Variants in CALR observed in about 807,000 individuals in gnomAD.
The protein encoded by CALR is calreticulin.
Under a neutral mutation model 51.1 loss-of-function variants are expected in CALR, and 15 were observed. That is an observed-to-expected ratio of 0.29 (90% CI 0.20 to 0.45). The LOEUF (loss-of-function observed/expected upper bound fraction) is 0.45. Ranked by LOEUF, CALR falls within the 20% of genes least tolerant of loss-of-function variation. The probability of loss-of-function intolerance (pLI) is 1.00; values close to 1 mark genes in which losing one functional copy is unlikely to be tolerated. For synonymous variants in CALR, 239 were observed against 205.9 expected (o/e 1.16, Z -1.38); for missense variants, 477 against 530.6 (o/e 0.90, Z 0.99).
intron 1 of CALR, 129 bp downstream of exon 1, chr19:12,938,899 C>A: frequency 1.2e-6 from 1 of 824,196 alleles, no homozygotes; most frequent in Non-Finnish European, 2.1e-6. Context: ...GAGCCGCGGG[C>A]GATTTCTCTT....
At chr19:12,943,001 T>A (rs1470454787) in intron 7 of CALR, among the ~76,000 whole-genome samples, 1 of 151,444 alleles carries the variant, frequency 6.6e-6, no homozygotes, top group African/African-American at 2.4e-5. Context: ...AGTGATCCGT[T>A]CGCCATGACC....
intron 7 of CALR, among the ~76,000 whole-genome samples, chr19:12,941,466 ATTTT>A (rs61272402): frequency 1.3e-4 from 11 of 87,006 alleles, no homozygotes; most frequent in African/African-American, 1.9e-4. Flanking sequence ...TGCCAGGCTA[ATTTT>A]TTTTTTTTTT....
chr19:12,940,481 C>G (rs922227576), intron 5 of CALR, 29 bp downstream of exon 5: 1 of 1,613,298 alleles, frequency 6.2e-7, no homozygotes, highest in African/African-American at 1.3e-5. Context: ...GCTCTGCTCT[C>G]CACATTGGAG....
intron 1 of CALR, 27 bp downstream of exon 1, chr19:12,938,797 G>A: frequency 6.5e-7 from 1 of 1,544,294 alleles, no homozygotes. Context: ...CCTCGAGGCC[G>A]CCCCGACGAC....
chr19:12,941,527 A>G (rs1971546619), intron 7 of CALR, among the ~76,000 whole-genome samples: 1 of 139,946 alleles, frequency 7.1e-6, no homozygotes, highest in African/African-American at 2.7e-5. Context: ...GCTGGAGTGC[A>G]GTGGTGTGAT....
At chr19:12,940,010 A>G (rs1300301472) in intron 3 of CALR, 43 bp from the exon 4 acceptor site, 1 of 1,348,126 alleles carries the variant, frequency 7.4e-7, no homozygotes, top group African/African-American at 1.4e-5. Flanking sequence ...CCTCGAGATG[A>G]TGGGTAGTCT....
chr19:12,938,614 T>C lies in CALR; in HGVS notation c.-66T>C, dbSNP rs2146010918. 13 of 1,257,454 alleles carry C rather than the reference T, an allele frequency of 1.0e-5. No homozygotes were observed. In the Middle Eastern group the frequency reaches 1.6e-3, roughly 154 times the overall value. The allele number at this position is 1,257,454 out of a possible 1,614,324, so 77.9% of individuals were successfully genotyped here. Reference sequence around the variant, plus strand: ...CAAGGCGGGCGGCGGCGTCCGTCCGTACTGCAGAGCCGCTGCCGGAGGGTC... The same window carrying C: ...CAAGGCGGGCGGCGGCGTCCGTCCGCACTGCAGAGCCGCTGCCGGAGGGTC... On this transcript the variant is annotated 5_prime_UTR_variant, in exon 1 of 9. Coordinates refer to ENST00000316448, the MANE Select transcript of CALR (RefSeq NM_004343.4).
Position 12,944,155 on chromosome 19 carries a change from C to A in CALR, c.*242C>A. ...TCTCCTTCAGCCCTCACCCCTGGTT[C>A]TCATCTTTCTTGATCAACATCTTTT... is the stretch of plus-strand genomic sequence containing the variant. On this transcript the variant is annotated 3_prime_UTR_variant, in exon 9 of 9. Transcript: ENST00000316448. The A allele has an allele frequency of 1.7e-6, 1 of 601,046 alleles. No individual in the cohort carries two copies. The highest frequency in any genetic ancestry group is 3.1e-5 in the East Asian group (1 of 32,294). The allele number at this position is 601,046 out of a possible 1,614,324, so 37.2% of individuals were successfully genotyped here.
rs367922867 is a variant in CALR at position 12,940,744 on chromosome 19, G to C, written c.817G>C (p.Gly273Arg). 5.0e-6 allele frequency: 8 copies of C among 1,613,994 alleles called. No individual in the cohort carries two copies. The African/African-American group carries it at 8.0e-5, about 16-fold the overall frequency. ...PPVIQNPEYK[G>R]EWKPRQIDNP... ...TTCGGTTTCCTTCTCCCTTCTGCAG[G>C]GTGAGTGGAAGCCCCGGCAGATCGA... is the stretch of plus-strand genomic sequence containing the variant. Residue 273 changes from glycine to arginine, a missense_variant and splice_region_variant, in exon 7 of 9, where the codon GGT (glycine) becomes CGT (arginine). Gly to Arg is a moderately radical substitution (Grantham distance 125). Coordinates refer to ENST00000316448, the MANE Select transcript of CALR (RefSeq NM_004343.4).
chr19:12,938,719 C>T lies in CALR; in HGVS notation c.40C>T (p.Leu14=), dbSNP rs539393451. The T allele has an allele frequency of 1.0e-4, 163 of 1,611,614 alleles. 1 individual carries two copies. The South Asian group carries it at 1.6e-3, about 16-fold the overall frequency. Residue 14 remains leucine, a synonymous_variant, in exon 1 of 9, where the codon CTG becomes TTG. Coordinates refer to ENST00000316448, the MANE Select transcript of CALR (RefSeq NM_004343.4). ...GCCGCTGCTGCTCGGCCTCCTCGGC[C>T]TGGCCGTCGCCGAGCCTGCCGTCTA... ...SVPLLLGLLG[L]AVAEPAVYFK...
chr19:12,940,226 C>T lies in CALR; in HGVS notation c.493-17C>T, dbSNP rs549294770. On this transcript the variant is annotated splice_polypyrimidine_tract_variant and intron_variant, in intron 4 of 8. Transcript: ENST00000316448. Reference sequence around the variant, plus strand: ...CTCATTGGGGGGTGGCCCCCGCTCACCTTCTTCCTTCTTCAGGATGATGAG... The same window carrying T: ...CTCATTGGGGGGTGGCCCCCGCTCATCTTCTTCCTTCTTCAGGATGATGAG... 1.4e-5 allele frequency: 23 copies of T among 1,613,934 alleles called. No homozygotes were observed. In the Admixed American group the frequency reaches 3.5e-4, roughly 25 times the overall value.
At position 12,944,089 on chromosome 19, in the gene CALR, C is replaced by CA; in HGVS notation, c.*176_*177insA. 3.1e-6 allele frequency: 2 copies of CA among 651,938 alleles called. No individual in the cohort carries two copies. Among genetic ancestry groups the CA allele is most frequent in the Non-Finnish European group, 4.7e-6 (2 of 422,204 alleles). The allele number at this position is 651,938 out of a possible 1,614,324, so 40.4% of individuals were successfully genotyped here. A position where few individuals can be genotyped will look rare whatever the true frequency, so the allele number is the denominator to read the frequency against. ...CACTCTCCCCCACCCCCTCCCCGCC[C>CA]TTTTTTTTTTTTTTTTTTAAACTGG... On this transcript the variant is annotated 3_prime_UTR_variant, in exon 9 of 9. Coordinates refer to ENST00000316448, the MANE Select transcript of CALR (RefSeq NM_004343.4).
Position 12,941,177 on chromosome 19 carries a change from A to G in CALR, c.960+290A>G, listed in dbSNP as rs73505373. 0.054 allele frequency among the ~76,000 whole-genome samples: 8,181 copies of G among 152,244 alleles called. 774 individuals carry two copies. The highest frequency in any genetic ancestry group is 0.19 in the African/African-American group (7,827 of 41,506). On this transcript the variant is annotated intron_variant, in intron 7 of 8. Transcript: ENST00000316448. ...CAGTTAGTTAGCTGGGGCTGGGCAC[A>G]GTGGCTCACCCTTACAATCACGGTA...
chr19:12,939,434 A>G lies in CALR; in HGVS notation c.200A>G (p.Gln67Arg), dbSNP rs1274707844. ...CACTACCGTCCCGTCTCAGGTTTGC[A>G]GACAAGCCAGGATGCACGCTTTTAT... ...YGDEEKDKGLQTSQDARFYAL... is the reference protein window; with the variant it reads ...YGDEEKDKGLRTSQDARFYAL... The change falls in exon 3 of 9, where the codon CAG becomes CGG. Residue 67 changes from glutamine to arginine, a missense_variant. Coordinates refer to ENST00000316448, the MANE Select transcript of CALR (RefSeq NM_004343.4). 1.2e-6 allele frequency: 2 copies of G among 1,612,368 alleles called. No homozygotes were observed. The highest frequency in any genetic ancestry group is 4.5e-5 in the East Asian group (2 of 44,888).
Position 12,940,657 on chromosome 19 carries a change from G to C in CALR, c.816+3G>C. On this transcript the variant is annotated splice_donor_region_variant and intron_variant, in intron 6 of 8. Transcript: ENST00000316448. Reference sequence around the variant, plus strand: ...TGATTCAGAACCCTGAGTACAAGGTGAGTTTGGGGCTCTGAGCAGGGCTGG... The same window carrying C: ...TGATTCAGAACCCTGAGTACAAGGTCAGTTTGGGGCTCTGAGCAGGGCTGG... The C allele has an allele frequency of 6.2e-7, 1 of 1,614,074 alleles. No homozygotes were observed. The highest frequency in any genetic ancestry group is 8.5e-7 in the Non-Finnish European group (1 of 1,179,912).
In CALR at chr19:12,943,708, T is replaced by C. The variant is rs879251629; in HGVS notation, c.1054-5T>C. On this transcript the variant is annotated splice_polypyrimidine_tract_variant and splice_region_variant and intron_variant, in intron 8 of 8. Coordinates refer to ENST00000316448, the MANE Select transcript of CALR (RefSeq NM_004343.4). ...AAGGCCCTGAGGTGTGTGCTCTGCCTGCAGGCAGCAGAGAAACAAATGAAG... is the reference window on the plus strand; with the variant it reads ...AAGGCCCTGAGGTGTGTGCTCTGCCCGCAGGCAGCAGAGAAACAAATGAAG... 6.2e-7 allele frequency: 1 copy of C among 1,613,972 alleles called. No homozygotes were observed. Among genetic ancestry groups the C allele is most frequent in the Non-Finnish European group, 8.5e-7 (1 of 1,179,952 alleles).
At chr19:12,939,406 C>A in intron 2 of CALR, 22 bp from the exon 3 acceptor site, 14 of 1,611,370 alleles carry the variant, frequency 8.7e-6, no homozygotes, top group Non-Finnish European at 1.1e-5. Flanking sequence ...CCAACGGTGA[C>A]CTCACTACCG....
intron 1 of CALR, 131 bp from the exon 2 acceptor site, chr19:12,939,003 C>CT: frequency 1.4e-6 from 1 of 729,906 alleles, no homozygotes; most frequent in Non-Finnish European, 2.5e-6. Context: ...ACGTGTCAAA[C>CT]TAGAGGTTGG....
At chr19:12,938,895 C>T in intron 1 of CALR, 125 bp downstream of exon 1, 1 of 833,982 alleles carries the variant, frequency 1.2e-6, no homozygotes, top group Non-Finnish European at 2.0e-6. Context: ...ACTAGAGCCG[C>T]GGGCGATTTC....
Sources: gnomAD v4.1 joint callset for allele counts (sites outside exome capture counted in the v4.1 genomes callset) on GRCh38, gnomAD v4.1.1 for gene constraint, MANE v1.5 for transcripts, NCBI Gene and HGNC (gene_info 2026-07-23, HGNC 2026-07-21) for gene names.